Variants in LIN54 observed in about 807,000 individuals in gnomAD.
The protein encoded by LIN54 is protein lin-54 homolog.
A neutral mutation model predicts 78.7 loss-of-function variants in LIN54; 9 were observed. The ratio of observed to expected loss-of-function variants is 0.11; its 90% CI spans 0.07 to 0.20. The LOEUF is 0.20. Ranked by LOEUF, LIN54 falls within the 10% of genes least tolerant of loss-of-function variation. LIN54 has a pLI of 1.00. For missense variants in LIN54, 573 were observed against 889.9 expected (o/e 0.64, Z 4.53); for synonymous variants, 269 against 318.4 (o/e 0.84, Z 1.65).
At chr4:83,006,046 C>A (rs891482671) in intron 1 of LIN54, among the ~76,000 whole-genome samples, 3 of 152,186 alleles carry the variant, frequency 2.0e-5, no homozygotes, top group Admixed American at 6.6e-5. Context: ...AAACTAAATA[C>A]CGCATATTCT....
chr4:83,003,789 G>A (rs1277074883), intron 1 of LIN54, among the ~76,000 whole-genome samples: 1 of 152,132 alleles, frequency 6.6e-6, no homozygotes, highest in Non-Finnish European at 1.5e-5. Flanking sequence ...GCCTCACAGA[G>A]TGCTGGAATT....
At chr4:82,958,597 T>G (rs1161141142) in intron 4 of LIN54, among the ~76,000 whole-genome samples, 1 of 152,220 alleles carries the variant, frequency 6.6e-6, no homozygotes, top group Non-Finnish European at 1.5e-5. Context: ...CTACGTTACT[T>G]TTTAAAGTGC....
rs762345061 is a variant in LIN54, at chr4:82,926,249, T to G, written c.*1853A>C. 2.0e-5 allele frequency: 3 copies of G among 152,560 alleles called. No individual in the cohort carries two copies. The highest frequency in any genetic ancestry group is 4.4e-5 in the Non-Finnish European group (3 of 68,004). 9.5% of individuals were successfully genotyped at this position (152,560 alleles called of 1,614,324 possible). On this transcript the variant is annotated 3_prime_UTR_variant, in exon 13 of 13. Coordinates refer to ENST00000340417, the MANE Select transcript of LIN54 (RefSeq NM_194282.4). ...TTTAGACCAAAAACTTATTGCAATC[T>G]TTTGAAAAATAACTTGATTATTATT... is the stretch of plus-strand genomic sequence containing the variant.
intron 1 of LIN54, among the ~76,000 whole-genome samples, chr4:82,998,603 A>G (rs1728463116): frequency 6.6e-6 from 1 of 151,078 alleles, no homozygotes; most frequent in South Asian, 2.1e-4. Context: ...AGAGAGAAAG[A>G]GAAGAGAGAA....
chr4:82,970,566 A>G (rs978760668), intron 3 of LIN54, 97 bp from the exon 4 acceptor site: 4 of 1,121,960 alleles, frequency 3.6e-6, no homozygotes, highest in Non-Finnish European at 5.1e-6. Context: ...TGCAGAATGT[A>G]TGTTTGTTAT....
intron 4 of LIN54, among the ~76,000 whole-genome samples, chr4:82,963,890 T>C (rs1724997330): frequency 6.6e-6 from 1 of 152,194 alleles, no homozygotes; most frequent in African/African-American, 2.4e-5. Context: ...TATTTTTATA[T>C]TGACCATGTT....
Position 82,983,535 on chromosome 4 carries a change from AT to A in LIN54, c.684+625del, listed in dbSNP as rs202119841. 2.2e-3 allele frequency among the ~76,000 whole-genome samples: 331 copies of A among 152,340 alleles called. 2 individuals carry two copies. The highest frequency in any genetic ancestry group is 7.7e-3 in the African/African-American group (322 of 41,566). On this transcript the variant is annotated intron_variant, in intron 2 of 12. Coordinates refer to ENST00000340417, the MANE Select transcript of LIN54 (RefSeq NM_194282.4). The stretch of plus-strand genomic sequence containing the variant: ...AGATAAAGTCAAAAACTCAGAGAAG[AT>A]AAGTAACCTACGAAAGTTTTCCATA...
intron 4 of LIN54, among the ~76,000 whole-genome samples, chr4:82,959,785 T>C (rs1353602344): frequency 6.6e-6 from 1 of 152,172 alleles, no homozygotes; most frequent in East Asian, 1.9e-4. Context: ...ATTATAAACA[T>C]TGAAAAACAT....
chr4:82,959,157 C>T (rs1230744792), intron 4 of LIN54, among the ~76,000 whole-genome samples: 1 of 151,554 alleles, frequency 6.6e-6, no homozygotes, highest in Non-Finnish European at 1.5e-5. Flanking sequence ...ATCATACTTC[C>T]CTGAAACAAA....
chr4:83,003,381 C>CTCA (rs988362752), intron 1 of LIN54: 2 of 152,122 alleles, frequency 1.3e-5, no homozygotes, highest in Non-Finnish European at 2.9e-5. Flanking sequence ...AACTATATTT[C>CTCA]TCAAACTAAA....
chr4:82,975,738 C>CA (rs1180591004), intron 3 of LIN54, among the ~76,000 whole-genome samples: 30 of 150,088 alleles, frequency 2.0e-4, no homozygotes, highest in African/African-American at 6.1e-4. Context: ...GCTAGATGAA[C>CA]AAAAAAACAA....
At chr4:83,003,364 G>C (rs1578665456) in intron 1 of LIN54, 2 of 152,168 alleles carry the variant, frequency 1.3e-5, no homozygotes, top group East Asian at 3.9e-4. Context: ...TAAAAAACCA[G>C]TTATAGAACT....
At chr4:82,983,357 T>A (rs971192570) in intron 2 of LIN54, among the ~76,000 whole-genome samples, 1 of 152,158 alleles carries the variant, frequency 6.6e-6, no homozygotes. Context: ...GAAAGCCTAT[T>A]TGGGCATGAT....
intron 1 of LIN54, among the ~76,000 whole-genome samples, chr4:82,993,216 A>G (rs1166850322): frequency 1.4e-5 from 1 of 72,302 alleles, no homozygotes; most frequent in Non-Finnish European, 2.4e-5. Context: ...TTTTTCTAGA[A>G]TCTTTTTTTT....
rs76917082 is a variant in LIN54, at chr4:83,006,841, C to T, written c.-33+3643G>A. 6.0e-4 allele frequency among the ~76,000 whole-genome samples: 92 copies of T among 152,172 alleles called. No homozygotes were observed. In the East Asian group the frequency reaches 0.017, roughly 28 times the overall value. ...TATTTCAAAGGGTGTGAATTAACAA[C>T]ATAATAAAAAGAAATGGGCCAGGCG... is the stretch of plus-strand genomic sequence containing the variant. On this transcript the variant is annotated intron_variant, in intron 1 of 12. Transcript: ENST00000340417.
At chr4:82,983,390 T>C (rs1383190358) in intron 2 of LIN54, among the ~76,000 whole-genome samples, 1 of 152,176 alleles carries the variant, frequency 6.6e-6, no homozygotes, top group Admixed American at 6.5e-5. Flanking sequence ...ACTTAATATA[T>C]ATTCCAGTAA....
chr4:82,959,934 ATTC>A (rs1467268310), intron 4 of LIN54, among the ~76,000 whole-genome samples: 1 of 152,224 alleles, frequency 6.6e-6, no homozygotes, highest in African/African-American at 2.4e-5. Context: ...TGAAAAAATT[ATTC>A]TTAATTATGT....
chr4:82,928,119 A>G lies in LIN54; in HGVS notation c.2233T>C (p.Cys745Arg). Residue 745 changes from cysteine (C) to arginine (R), a missense_variant, in exon 13 of 13, where the codon TGT becomes CGT. Coordinates refer to ENST00000340417, the MANE Select transcript of LIN54 (RefSeq NM_194282.4). Reference sequence around the variant, plus strand: ...TGCAAGAGTTAGCAATTCATGGCACAAGGGTCACTTTTTGCCTTTCCTGCA... The same window carrying G: ...TGCAAGAGTTAGCAATTCATGGCACGAGGGTCACTTTTTGCCTTTCCTGCA... ...NSAGKAKSDP[C>R]AMNC 1 of 1,614,214 alleles carries G rather than the reference A, an allele frequency of 6.2e-7. No individual in the cohort carries two copies. Among genetic ancestry groups the G allele is most frequent in the Non-Finnish European group, 8.5e-7 (1 of 1,180,012 alleles).
chr4:82,961,455 T>G (rs1365331570), intron 4 of LIN54, among the ~76,000 whole-genome samples: 1 of 152,130 alleles, frequency 6.6e-6, no homozygotes, highest in Non-Finnish European at 1.5e-5. Flanking sequence ...TCATTCAAAA[T>G]GGCTATGTGA....
Sources: allele counts gnomAD v4.1 joint callset (sites outside exome capture counted in the v4.1 genomes callset), GRCh38; gene constraint gnomAD v4.1.1; transcripts MANE v1.5; gene names NCBI Gene and HGNC (gene_info 2026-07-23, HGNC 2026-07-21).